RBFOX1: variants seen among roughly 807,000 people sequenced by gnomAD.
The protein encoded by RBFOX1 is RNA binding protein fox-1 homolog 1.
Under a neutral mutation model 57.7 loss-of-function variants are expected in RBFOX1, and 8 were observed. The ratio of observed to expected loss-of-function variants is 0.14; its 90% CI spans 0.08 to 0.25. The LOEUF is 0.25. RBFOX1 is among the 10% of genes least tolerant of loss of function. RBFOX1 has a pLI of 1.00. For synonymous variants in RBFOX1, 326 were observed against 222.4 expected (o/e 1.47, Z -4.15); for missense variants, 611 against 548.5 (o/e 1.11, Z -1.14).
intron 4 of RBFOX1, among the ~76,000 whole-genome samples, chr16:5,963,227 C>T (rs1418259398): frequency 1.3e-5 from 2 of 152,188 alleles, no homozygotes; most frequent in Non-Finnish European, 2.9e-5. Context: ...ACCTGAATAG[C>T]TTAAACCAGC....
In RBFOX1 at chr16:5,805,615, C is replaced by A. The variant is rs2055200387; in HGVS notation, c.319-61688C>A. On this transcript the variant is annotated intron_variant, in intron 3 of 19. Transcript: ENST00000641259. ...TAAAGGAAACAGATAAGATGCAGCACCCTGGGGCTAGCAACTGTGGAGAGC... is the reference window on the plus strand; with the variant it reads ...TAAAGGAAACAGATAAGATGCAGCAACCTGGGGCTAGCAACTGTGGAGAGC... Among the ~76,000 whole-genome samples, 7 of 152,286 alleles carry A rather than the reference C, an allele frequency of 4.6e-5. 1 individual carries two copies. In the South Asian group the frequency reaches 1.5e-3, roughly 32 times the overall value.
In RBFOX1 at chr16:6,621,428, C is replaced by T. The variant is rs552548893; in HGVS notation, c.-63-33175C>T. Reference sequence around the variant, plus strand: ...GCAGTGAACCAAGATTGCGCCACTGCGCTCCAGCCTGGGTGACAGAGCCAG... The same window carrying T: ...GCAGTGAACCAAGATTGCGCCACTGTGCTCCAGCCTGGGTGACAGAGCCAG... On this transcript the variant is annotated intron_variant, in intron 2 of 15. Transcript: ENST00000550418. 1.4e-3 allele frequency among the ~76,000 whole-genome samples: 220 copies of T among 152,286 alleles called. 2 individuals are homozygous for T. In the Middle Eastern group the frequency reaches 0.024, roughly 16 times the overall value.
intron 1 of RBFOX1, among the ~76,000 whole-genome samples, chr16:5,361,339 A>G (rs9302802): frequency 0.12 from 17,955 of 152,198 alleles, 1,252 homozygotes; most frequent in African/African-American, 0.19. Context: ...AAGTGGGCCA[A>G]CTAGGTAGTT....
chr16:6,390,401 A>G (rs1461405238), intron 2 of RBFOX1, among the ~76,000 whole-genome samples: 1 of 152,126 alleles, frequency 6.6e-6, no homozygotes, highest in Non-Finnish European at 1.5e-5. Context: ...ACTTTGTGCC[A>G]ATTATTTGTT....
intron 2 of RBFOX1, among the ~76,000 whole-genome samples, chr16:6,490,228 A>G (rs773366863): frequency 6.6e-6 from 1 of 152,222 alleles, no homozygotes; most frequent in Non-Finnish European, 1.5e-5. Context: ...AATTTGACAC[A>G]TTTTATTCTG....
chr16:6,502,660 A>G (rs1477146497), intron 2 of RBFOX1, among the ~76,000 whole-genome samples: 1 of 152,084 alleles, frequency 6.6e-6, no homozygotes, highest in Non-Finnish European at 1.5e-5. Context: ...TGTATGTGGA[A>G]CTTTTCTATT....
intron 4 of RBFOX1, among the ~76,000 whole-genome samples, chr16:7,101,619 G>A (rs2062708164): frequency 6.6e-6 from 1 of 152,136 alleles, no homozygotes; most frequent in African/African-American, 2.4e-5. Flanking sequence ...TCTGATGAAA[G>A]GTTACTAGCA....
chr16:6,668,730 TAATTG>T (rs560971201), intron 3 of RBFOX1, among the ~76,000 whole-genome samples: 41 of 152,342 alleles, frequency 2.7e-4, no homozygotes, highest in Non-Finnish European at 4.9e-4. Flanking sequence ...AATTTTGTAT[TAATTG>T]GGGCTGAAAT....
At chr16:7,672,939 A>C (rs189493936) in intron 13 of RBFOX1, among the ~76,000 whole-genome samples, 60 of 148,514 alleles carry the variant, frequency 4.0e-4, no homozygotes, top group Admixed American at 2.2e-3. Context: ...AAATGTTCTT[A>C]TAAGTATTAT....
At chr16:7,145,078 C>T (rs1048344842) in intron 4 of RBFOX1, among the ~76,000 whole-genome samples, 1 of 152,214 alleles carries the variant, frequency 6.6e-6, no homozygotes, top group African/African-American at 2.4e-5. Context: ...TGGTACCAAT[C>T]CTAGCTTGAC....
At chr16:7,205,698 C>T (rs2089816396) in intron 4 of RBFOX1, among the ~76,000 whole-genome samples, 1 of 152,140 alleles carries the variant, frequency 6.6e-6, no homozygotes, top group East Asian at 1.9e-4. Flanking sequence ...AAACTTGGTC[C>T]ACCATCTGCA....
chr16:7,403,199 T>C (rs933305525), intron 4 of RBFOX1, among the ~76,000 whole-genome samples: 3 of 152,178 alleles, frequency 2.0e-5, no homozygotes, highest in African/African-American at 4.8e-5. Context: ...CTGAATCCAG[T>C]GAAGGTATCT....
In RBFOX1 at chr16:5,986,806, G is replaced by A. The variant is rs137953586; in HGVS notation, c.351+119471G>A. 1.7e-3 allele frequency among the ~76,000 whole-genome samples: 266 copies of A among 152,306 alleles called. 2 individuals carry two copies. The highest frequency in any genetic ancestry group is 5.6e-3 in the African/African-American group (232 of 41,576). On this transcript the variant is annotated intron_variant, in intron 4 of 19. Transcript: ENST00000641259. ...TGAAGGACATGTGGGTTGTTTGGGG[G>A]TACTGTGAGTGAAGTTGCTGTAAAC...
chr16:7,355,192 C>A (rs1019794755), intron 4 of RBFOX1, among the ~76,000 whole-genome samples: 3 of 152,136 alleles, frequency 2.0e-5, no homozygotes, highest in African/African-American at 7.2e-5. Flanking sequence ...GGATTTGAAT[C>A]CCCATCAGTT....
At chr16:6,503,834 A>G (rs1352813810) in intron 2 of RBFOX1, among the ~76,000 whole-genome samples, 1 of 152,140 alleles carries the variant, frequency 6.6e-6, no homozygotes, top group African/African-American at 2.4e-5. Context: ...GGATGGGATA[A>G]GTTTGTGGCC....
At chr16:6,448,061 A>C (rs1043516530) in intron 2 of RBFOX1, among the ~76,000 whole-genome samples, 1 of 151,706 alleles carries the variant, frequency 6.6e-6, no homozygotes, top group Non-Finnish European at 1.5e-5. Flanking sequence ...CCTTAATTCA[A>C]TGCATTTTCT....
intron 4 of RBFOX1, among the ~76,000 whole-genome samples, chr16:7,069,229 C>A (rs2056814851): frequency 6.6e-6 from 1 of 152,102 alleles, no homozygotes. Context: ...GATACATGTG[C>A]AGGATGTGCA....
At chr16:5,705,540 C>T (rs551302095) in intron 3 of RBFOX1, among the ~76,000 whole-genome samples, 25 of 152,260 alleles carry the variant, frequency 1.6e-4, no homozygotes, top group South Asian at 8.3e-4. Context: ...TAATCACGAG[C>T]GAAACATTGA....
chr16:5,592,583 A>G (rs2047045879), intron 2 of RBFOX1, among the ~76,000 whole-genome samples: 1 of 152,022 alleles, frequency 6.6e-6, no homozygotes, highest in Admixed American at 6.6e-5. Flanking sequence ...TGCCTGGCTA[A>G]TTTTTGTATT....
Sources: gnomAD v4.1 joint callset for allele counts (sites outside exome capture counted in the v4.1 genomes callset) on GRCh38, gnomAD v4.1.1 for gene constraint, MANE v1.5 for transcripts, NCBI Gene and HGNC (gene_info 2026-07-23, HGNC 2026-07-21) for gene names.